The following MAD1L1 variants were observed in gnomAD, a reference collection of about 807,000 sequenced individuals.
MAD1L1 encodes the protein mitotic spindle assembly checkpoint protein MAD1.
MAD1L1 carries 95 observed loss-of-function variants against 96.9 expected under a neutral mutation model. The ratio of observed to expected loss-of-function variants is 0.98; its 90% CI spans 0.83 to 1.16. The LOEUF (loss-of-function observed/expected upper bound fraction) is 1.16. MAD1L1 is among the 50% of genes most tolerant of loss of function. The probability of loss-of-function intolerance (pLI) is 0.00; values close to 1 mark genes in which losing one functional copy is unlikely to be tolerated. For missense variants in MAD1L1, 1,007 were observed against 954.4 expected (o/e 1.06, Z -0.73); for synonymous variants, 473 against 396.6 (o/e 1.19, Z -2.29).
At chr7:2,149,109 A>G (rs1198358245) in intron 11 of MAD1L1, 43 bp downstream of exon 11, 2 of 1,585,462 alleles carry the variant, frequency 1.3e-6, no homozygotes, top group Non-Finnish European at 1.7e-6. Context: ...TAACTCTCCA[A>G]AGCAAACGCA....
chr7:1,897,712 T>C (rs933836599), intron 18 of MAD1L1, among the ~76,000 whole-genome samples: 1 of 152,200 alleles, frequency 6.6e-6, no homozygotes, highest in East Asian at 1.9e-4. Context: ...GACGCGAGTG[T>C]AGAGATGCGG....
chr7:2,130,201 G>A (rs1788447402), intron 11 of MAD1L1, among the ~76,000 whole-genome samples: 1 of 152,236 alleles, frequency 6.6e-6, no homozygotes, highest in South Asian at 2.1e-4. Context: ...CAGCCATGGA[G>A]CTCACCTGAG....
chr7:2,164,612 G>A (rs1006642979), intron 10 of MAD1L1, among the ~76,000 whole-genome samples: 2 of 149,882 alleles, frequency 1.3e-5, no homozygotes, highest in Non-Finnish European at 3.0e-5. Context: ...GGGGGGTTGC[G>A]GGTGGTAGAG....
At chr7:1,826,188 G>A (rs1782383297) in intron 18 of MAD1L1, among the ~76,000 whole-genome samples, 1 of 152,168 alleles carries the variant, frequency 6.6e-6, no homozygotes, top group Non-Finnish European at 1.5e-5. Flanking sequence ...AGTCTCAGGT[G>A]CTGTGGGGCC....
At chr7:2,171,741 G>T (rs1317600411) in intron 10 of MAD1L1, among the ~76,000 whole-genome samples, 1 of 151,636 alleles carries the variant, frequency 6.6e-6, no homozygotes, top group Non-Finnish European at 1.5e-5. Context: ...GGACACATAT[G>T]GGTCACCTCC....
chr7:2,147,566 C>G (rs147837358), intron 11 of MAD1L1, among the ~76,000 whole-genome samples: 9 of 152,328 alleles, frequency 5.9e-5, no homozygotes, highest in African/African-American at 2.2e-4. Flanking sequence ...ACCCCCAAGA[C>G]CCCATTTCAC....
chr7:2,097,071 A>T (rs1160940891), intron 11 of MAD1L1, among the ~76,000 whole-genome samples: 1 of 152,144 alleles, frequency 6.6e-6, no homozygotes, highest in African/African-American at 2.4e-5. Flanking sequence ...ACCAGCTGCA[A>T]GGCGGGAGAT....
At chr7:2,178,829 G>A (rs1475515585) in intron 10 of MAD1L1, among the ~76,000 whole-genome samples, 2 of 151,584 alleles carry the variant, frequency 1.3e-5, no homozygotes, top group African/African-American at 4.8e-5. Flanking sequence ...CCCAGGAGAC[G>A]GAGGTTGCAG....
At chr7:2,012,883 C>A (rs1208952330) in intron 13 of MAD1L1, among the ~76,000 whole-genome samples, 1 of 152,198 alleles carries the variant, frequency 6.6e-6, no homozygotes, top group African/African-American at 2.4e-5. Flanking sequence ...GCCCACGCCC[C>A]CTCTAAACCA....
chr7:1,869,429 C>T (rs1784937756), intron 18 of MAD1L1, among the ~76,000 whole-genome samples: 1 of 152,110 alleles, frequency 6.6e-6, no homozygotes, highest in Admixed American at 6.5e-5. Flanking sequence ...CCTTAAATCC[C>T]CAGCCCAGGG....
intron 18 of MAD1L1, among the ~76,000 whole-genome samples, chr7:1,871,400 C>T (rs1486072509): frequency 9.1e-5 from 13 of 143,418 alleles, no homozygotes; most frequent in Non-Finnish European, 1.7e-4. Context: ...ACACCTGCCA[C>T]GCTGAACCCA....
At chr7:1,929,476 C>T (rs938000045) in intron 17 of MAD1L1, among the ~76,000 whole-genome samples, 4 of 152,126 alleles carry the variant, frequency 2.6e-5, no homozygotes, top group African/African-American at 7.2e-5. Flanking sequence ...GCCAAGGGCC[C>T]GTGCCGATGG....
At chr7:2,071,610 C>A (rs1404879536) in intron 11 of MAD1L1, among the ~76,000 whole-genome samples, 2 of 152,216 alleles carry the variant, frequency 1.3e-5, no homozygotes, top group African/African-American at 4.8e-5. Flanking sequence ...AGGCTCGGGA[C>A]TTCAGCCCCA....
Position 1,878,743 on chromosome 7 carries a change from C to T in MAD1L1, c.1998+19457G>A, listed in dbSNP as rs965906760. Among the ~76,000 whole-genome samples, 6 of 138,550 alleles carry T rather than the reference C, an allele frequency of 4.3e-5. No individual in the cohort carries two copies. In the South Asian group the frequency reaches 1.2e-3, roughly 28 times the overall value. 90.9% of individuals were successfully genotyped at this position (138,550 alleles called of 152,430 possible). A position where few individuals can be genotyped will look rare whatever the true frequency, so the allele number is the denominator to read the frequency against. On this transcript the variant is annotated intron_variant, in intron 18 of 18. Coordinates refer to ENST00000265854, the MANE Select transcript of MAD1L1 (RefSeq NM_001013836.2). ...CAAGGTAAAAATGTCCCCCCCCCCC[C>T]ATTCTTATTCAGCACTGTACTGAAA...
intron 18 of MAD1L1, among the ~76,000 whole-genome samples, chr7:1,876,231 G>T (rs116459213): frequency 0.027 from 4,039 of 152,192 alleles, 172 homozygotes; most frequent in African/African-American, 0.091. Flanking sequence ...AGGAAGCAAG[G>T]TCTCCACAAC....
chr7:1,916,302 C>T (rs1788390292), intron 17 of MAD1L1, among the ~76,000 whole-genome samples: 1 of 152,184 alleles, frequency 6.6e-6, no homozygotes, highest in Non-Finnish European at 1.5e-5. Context: ...AAGACTTGTA[C>T]CCAAACGTCC....
chr7:1,876,796 A>C (rs1785408070), intron 18 of MAD1L1, among the ~76,000 whole-genome samples: 1 of 150,222 alleles, frequency 6.7e-6, no homozygotes, highest in African/African-American at 2.4e-5. Context: ...CCTTGGCCCC[A>C]GAGCCCCTGC....
chr7:1,883,885 T>C (rs1033188763), intron 18 of MAD1L1, among the ~76,000 whole-genome samples: 1 of 152,182 alleles, frequency 6.6e-6, no homozygotes, highest in Non-Finnish European at 1.5e-5. Context: ...GACTCTGACC[T>C]GCAGACCCTG....
intron 12 of MAD1L1, among the ~76,000 whole-genome samples, chr7:2,049,816 GCTGGCACCA>G: frequency 6.6e-6 from 1 of 151,710 alleles, no homozygotes; most frequent in Non-Finnish European, 1.5e-5. Flanking sequence ...TCCAACATCT[GCTGGCACCA>G]TCTGCGGGCA....
Sources: allele counts gnomAD v4.1 joint callset (sites outside exome capture counted in the v4.1 genomes callset), GRCh38; gene constraint gnomAD v4.1.1; transcripts MANE v1.5; gene names NCBI Gene and HGNC (gene_info 2026-07-23, HGNC 2026-07-21).